KIAA1217: variants seen among roughly 807,000 people sequenced by gnomAD.
The protein encoded by KIAA1217 is sickle tail protein homolog.
In KIAA1217, 88 loss-of-function variants were observed where a neutral mutation model predicts 163.9. The ratio of observed to expected loss-of-function variants is 0.54; its 90% CI spans 0.45 to 0.64. The LOEUF (loss-of-function observed/expected upper bound fraction) is 0.64. Ranked by LOEUF, KIAA1217 falls within the 30% of genes least tolerant of loss-of-function variation. KIAA1217 has a pLI of 0.00. For synonymous variants in KIAA1217, 903 were observed against 923.1 expected, an observed-to-expected ratio of 0.98 and a Z score of 0.39; for missense variants, 2,372 against 2,475.0, an observed-to-expected ratio of 0.96 and a Z score of 0.88.
chr10:24,465,019 G>A lies in KIAA1217; in HGVS notation c.847-8209G>A, dbSNP rs184525326. Among the ~76,000 whole-genome samples, 363 of 152,282 alleles carry A rather than the reference G, an allele frequency of 2.4e-3. 6 individuals are homozygous for A. The highest frequency in any genetic ancestry group is 0.014 in the Middle Eastern group (4 of 294). ...GACAGGGTCTTTGGAGGATGTGATA[G>A]GGGCGGCATCGTGGCCTAATCAGAC... On this transcript the variant is annotated intron_variant, in intron 5 of 20. Transcript: ENST00000376454.
chr10:23,826,641 G>A (rs1374754211), intron 1 of KIAA1217, among the ~76,000 whole-genome samples: 2 of 152,142 alleles, frequency 1.3e-5, no homozygotes, highest in African/African-American at 2.4e-5. Context: ...TTCAAGTAGC[G>A]GACGGCCAGG....
chr10:24,277,948 G>A (rs1451909225), intron 2 of KIAA1217, among the ~76,000 whole-genome samples: 1 of 152,240 alleles, frequency 6.6e-6, no homozygotes, highest in East Asian at 1.9e-4. Flanking sequence ...AGCAGTGCTT[G>A]CTGGCTTCCC....
intron 2 of KIAA1217, among the ~76,000 whole-genome samples, chr10:24,232,295 A>C (rs2071520688): frequency 6.6e-6 from 1 of 152,218 alleles, no homozygotes; most frequent in Non-Finnish European, 1.5e-5. Flanking sequence ...AGGAATCCTA[A>C]ATGGGGATCA....
intron 3 of KIAA1217, among the ~76,000 whole-genome samples, chr10:24,409,595 A>T (rs943402317): frequency 2.4e-4 from 36 of 152,296 alleles, no homozygotes; most frequent in Non-Finnish European, 4.1e-4. Context: ...GCAGTTTTTT[A>T]AAATTTTTTA....
chr10:23,963,506 A>C (rs1844910817), intron 1 of KIAA1217, among the ~76,000 whole-genome samples: 1 of 152,168 alleles, frequency 6.6e-6, no homozygotes, highest in African/African-American at 2.4e-5. Flanking sequence ...TTCTTTATCC[A>C]GTCTATCATT....
intron 2 of KIAA1217, among the ~76,000 whole-genome samples, chr10:24,202,740 C>A (rs1449008903): frequency 6.6e-6 from 1 of 152,204 alleles, no homozygotes; most frequent in Non-Finnish European, 1.5e-5. Context: ...AGCTTACAGA[C>A]TAGAGGTCTC....
intron 1 of KIAA1217, among the ~76,000 whole-genome samples, chr10:23,722,039 A>G (rs1262091862): frequency 2.0e-5 from 3 of 152,210 alleles, no homozygotes; most frequent in Non-Finnish European, 2.9e-5. Context: ...GACACATACT[A>G]CAACATGAAT....
At chr10:23,756,953 A>G (rs1320667772) in intron 1 of KIAA1217, among the ~76,000 whole-genome samples, 1 of 152,238 alleles carries the variant, frequency 6.6e-6, no homozygotes, top group African/African-American at 2.4e-5. Context: ...AGTGCCTTAT[A>G]TAAGTGGAAT....
At chr10:23,813,082 A>G (rs931939759) in intron 1 of KIAA1217, among the ~76,000 whole-genome samples, 12 of 152,178 alleles carry the variant, frequency 7.9e-5, no homozygotes, top group Admixed American at 6.6e-4. Flanking sequence ...CAAAGTCTCT[A>G]CATTCTCTGT....
At chr10:24,176,822 G>T (rs1311806498) in intron 2 of KIAA1217, among the ~76,000 whole-genome samples, 2 of 152,210 alleles carry the variant, frequency 1.3e-5, no homozygotes, top group Admixed American at 6.5e-5. Context: ...AGCCCACGGG[G>T]CAGGGGAGGC....
intron 2 of KIAA1217, among the ~76,000 whole-genome samples, chr10:24,140,292 G>A (rs372223535): frequency 1.2e-4 from 18 of 151,494 alleles, no homozygotes; most frequent in South Asian, 2.1e-4. Flanking sequence ...CCCGGGAGGC[G>A]GAGGTTGCAG....
chr10:24,180,229 C>T (rs1036986603), intron 2 of KIAA1217, among the ~76,000 whole-genome samples: 5 of 150,966 alleles, frequency 3.3e-5, no homozygotes, highest in East Asian at 1.9e-4. Flanking sequence ...AGGACCTCTA[C>T]AGTCAGGTCC....
chr10:24,010,350 G>A lies in KIAA1217; in HGVS notation c.-171+2976G>A, dbSNP rs1251946715. ...ATTAAGATGATTGGAAAACTACAATGCTCTATAAATATTACTTTCTTTCTG... is the reference window on the plus strand; with the variant it reads ...ATTAAGATGATTGGAAAACTACAATACTCTATAAATATTACTTTCTTTCTG... On this transcript the variant is annotated intron_variant, in intron 2 of 18. Transcript: ENST00000376462. Among the ~76,000 whole-genome samples, 6 of 152,160 alleles carry A rather than the reference G, an allele frequency of 3.9e-5. No homozygotes were observed. The South Asian group carries it at 8.3e-4, about 21-fold the overall frequency.
rs7079523 is a variant in KIAA1217 at position 23,960,210 on chromosome 10, C to T, written c.-320-47015C>T. On this transcript the variant is annotated intron_variant, in intron 1 of 18. Transcript: ENST00000376462. The stretch of plus-strand genomic sequence containing the variant: ...GATTACAGGTGTAAGCCACCACGCC[C>T]GGCCAGAATTCTTTTATAGCTTCCT... 8.6e-3 allele frequency among the ~76,000 whole-genome samples: 1,299 copies of T among 150,214 alleles called. 20 individuals carry two copies. The highest frequency in any genetic ancestry group is 0.028 in the African/African-American group (1,161 of 40,878).
chr10:24,459,987 G>A (rs925399954), intron 5 of KIAA1217, among the ~76,000 whole-genome samples: 4 of 152,126 alleles, frequency 2.6e-5, no homozygotes, highest in Non-Finnish European at 4.4e-5. Flanking sequence ...GGACCAAAAT[G>A]CTAGTTCCGG....
At chr10:23,764,817 A>T (rs1302804184) in intron 1 of KIAA1217, among the ~76,000 whole-genome samples, 2 of 152,092 alleles carry the variant, frequency 1.3e-5, no homozygotes, top group South Asian at 4.1e-4. Context: ...GAGGGGTGGG[A>T]ACTTGGAGGA....
At chr10:23,862,977 C>T (rs1840024237) in intron 1 of KIAA1217, among the ~76,000 whole-genome samples, 1 of 152,154 alleles carries the variant, frequency 6.6e-6, no homozygotes, top group Admixed American at 6.6e-5. Context: ...CCAAATTCAA[C>T]ATCTCTTTTC....
chr10:23,962,106 G>A (rs1477457084), intron 1 of KIAA1217, among the ~76,000 whole-genome samples: 1 of 152,224 alleles, frequency 6.6e-6, no homozygotes, highest in Non-Finnish European at 1.5e-5. Flanking sequence ...TTACAAATGT[G>A]TTGCCCTGGC....
chr10:23,846,396 C>T (rs931575039), intron 1 of KIAA1217, among the ~76,000 whole-genome samples: 11 of 152,140 alleles, frequency 7.2e-5, no homozygotes, highest in Non-Finnish European at 1.3e-4. Context: ...TTTGCGTCCT[C>T]CTTTATTTCC....
Sources: gnomAD v4.1 joint callset for allele counts (sites outside exome capture counted in the v4.1 genomes callset) on GRCh38, gnomAD v4.1.1 for gene constraint, MANE v1.5 for transcripts, NCBI Gene and HGNC (gene_info 2026-07-23, HGNC 2026-07-21) for gene names.